STAB2: variants seen among roughly 807,000 people sequenced by gnomAD.
The protein encoded by STAB2 is stabilin 2.
Under a neutral mutation model 338.1 loss-of-function variants are expected in STAB2, and 288 were observed. The ratio of observed to expected loss-of-function variants is 0.85; its 90% CI spans 0.77 to 0.94. The LOEUF (loss-of-function observed/expected upper bound fraction) is 0.94, where lower values mean the gene tolerates loss of function less well. STAB2 is among the 40% of genes least tolerant of loss of function. The pLI, the probability that STAB2 is intolerant of heterozygous loss-of-function variation, is 0.00. For synonymous variants in STAB2, 1,202 were observed against 1,193.3 expected (o/e 1.01, Z -0.15); for missense variants, 3,141 against 3,210.1 (o/e 0.98, Z 0.52).
At chr12:103,673,736 G>A (rs1261921209) in intron 22 of STAB2, among the ~76,000 whole-genome samples, 171 bp from the exon 23 acceptor site, 1 of 152,160 alleles carries the variant, frequency 6.6e-6, no homozygotes, top group Admixed American at 6.5e-5. Context: ...GAGAACACTT[G>A]AGACTCCAAG....
At position 103,655,578 on chromosome 12, in the gene STAB2, A is replaced by G; in HGVS notation, c.1731A>G (p.Pro577=). The G allele has an allele frequency of 6.2e-7, 1 of 1,613,840 alleles. No homozygotes were observed. The highest frequency in any genetic ancestry group is 1.7e-5 in the Admixed American group (1 of 59,978). Reference sequence around the variant, plus strand: ...GCACTCTCGATTACCTCCTTTCTCCAGAGGTACCGTATTCTGCTTGCTCTG... The same window carrying G: ...GCACTCTCGATTACCTCCTTTCTCCGGAGGTACCGTATTCTGCTTGCTCTG... ...KDGTLDYLLS[P]EGSRKLLELV... is the part of the protein sequence containing the mutation. Residue 577 remains proline, a synonymous_variant, in exon 15 of 69, where the codon CCA becomes CCG. Transcript: ENST00000388887.
At chr12:103,654,902 T>C (rs987934793) in intron 13 of STAB2, 14 of 633,330 alleles carry the variant, frequency 2.2e-5, no homozygotes, top group Non-Finnish European at 3.5e-5. Context: ...CAGTAACATA[T>C]GTGGGAAAGA....
At chr12:103,665,335 T>A (rs1284026751) in intron 18 of STAB2, among the ~76,000 whole-genome samples, 1 of 152,186 alleles carries the variant, frequency 6.6e-6, no homozygotes, top group African/African-American at 2.4e-5. Context: ...ATAACAACAC[T>A]GTACTAGTTA....
chr12:103,699,030 A>T (rs947973593), intron 33 of STAB2, 66 bp from the exon 34 acceptor site: 2 of 1,549,204 alleles, frequency 1.3e-6, no homozygotes, highest in Non-Finnish European at 1.8e-6. Flanking sequence ...GTGACAGCAC[A>T]TGGGAGAAGC....
chr12:103,717,910 G>T, intron 44 of STAB2, 69 bp downstream of exon 44: 1 of 1,503,854 alleles, frequency 6.6e-7, no homozygotes, highest in Non-Finnish European at 9.2e-7. Flanking sequence ...CCCACTTCTC[G>T]GGGATGCAGA....
intron 3 of STAB2, among the ~76,000 whole-genome samples, chr12:103,600,783 T>C (rs1346176152): frequency 6.6e-6 from 1 of 152,232 alleles, no homozygotes; most frequent in African/African-American, 2.4e-5. Flanking sequence ...CCCCAGGAGA[T>C]AGCATATCCA....
chr12:103,729,394 G>C (rs1391461196), intron 48 of STAB2, among the ~76,000 whole-genome samples: 1 of 151,916 alleles, frequency 6.6e-6, no homozygotes, highest in African/African-American at 2.4e-5. Flanking sequence ...CTTATCCTTA[G>C]GTCCTCTTTC....
At chr12:103,733,229 G>C in intron 51 of STAB2, 47 bp downstream of exon 51, 1 of 1,593,014 alleles carries the variant, frequency 6.3e-7, no homozygotes, top group Non-Finnish European at 8.6e-7. Context: ...TCCCAGGGTG[G>C]TGATAAAATT....
intron 68 of STAB2, among the ~76,000 whole-genome samples, chr12:103,764,919 G>A (rs1593363765): frequency 1.4e-5 from 2 of 145,686 alleles, no homozygotes; most frequent in African/African-American, 2.5e-5. Context: ...CCAACATGGT[G>A]AAATCCCATG....
intron 34 of STAB2, among the ~76,000 whole-genome samples, chr12:103,701,100 G>A (rs1344626446): frequency 2.0e-5 from 3 of 150,564 alleles, no homozygotes; most frequent in African/African-American, 4.9e-5. Context: ...GAAAATATGC[G>A]GTGTTTGGTT....
chr12:103,666,146 TGGGG>T, intron 18 of STAB2, 141 bp from the exon 19 acceptor site: 1 of 703,988 alleles, frequency 1.4e-6, no homozygotes, highest in South Asian at 1.8e-5. Flanking sequence ...GGAGTCGGTG[TGGGG>T]AGGGGGTGGG....
intron 43 of STAB2, 80 bp from the exon 44 acceptor site, chr12:103,717,690 T>C: frequency 8.5e-7 from 1 of 1,175,912 alleles, no homozygotes; most frequent in Non-Finnish European, 1.3e-6. Context: ...CATGATGGAG[T>C]TCAGGTCTGA....
Position 103,727,388 on chromosome 12 carries a change from G to A in STAB2, c.4935+38G>A, listed in dbSNP as rs368376338. On this transcript the variant is annotated intron_variant, in intron 47 of 68. Coordinates refer to ENST00000388887, the MANE Select transcript of STAB2 (RefSeq NM_017564.10). ...CTGTGGGCAGAAGGGGGAGGTCTGC[G>A]GCTGGAACATAGTCCTTGGGCCTCG... is the stretch of plus-strand genomic sequence containing the variant. The A allele has an allele frequency of 7.9e-5, 126 of 1,604,624 alleles. No individual in the cohort carries two copies. In the East Asian group the frequency reaches 1.0e-3, roughly 13 times the overall value.
rs770468000 is a variant in STAB2 at position 103,660,728 on chromosome 12, G to C, written c.1834G>C (p.Ala612Pro). 7 of 1,613,958 alleles carry C rather than the reference G, an allele frequency of 4.3e-6. No homozygotes were observed. The South Asian group carries it at 7.7e-5, about 18-fold the overall frequency. ...LISTPHIRSM[A>P]NQLIQFNTTD... ...CTCCACCCCTCACATCAGGAGCATG[G>C]CCAACCAGCTCATACAGTTCAACAC... The change falls in exon 17 of 69, where the codon GCC (alanine) becomes CCC (proline). Residue 612 changes from alanine to proline, a missense_variant. By Grantham distance (27) the Ala-to-Pro change is conservative. Transcript: ENST00000388887.
Position 103,749,101 on chromosome 12 carries a change from C to T in STAB2, c.6383C>T (p.Ala2128Val), listed in dbSNP as rs756420717. The change falls in exon 59 of 69, where the codon GCA becomes GTA. Residue 2128 changes from alanine to valine, a missense_variant. Ala to Val is a moderately conservative substitution (Grantham distance 64, BLOSUM62 0). Transcript: ENST00000388887. ...GHSCTEIDPC[A>V]DGLNGGCHEH... ...AGCTGCACAGAGATAGACCCCTGTG[C>T]AGACGGCCTTAACGGAGGGTGTCAC... 4.3e-6 allele frequency: 7 copies of T among 1,613,734 alleles called. No individual in the cohort carries two copies. Among genetic ancestry groups the T allele is most frequent in the Non-Finnish European group, 2.5e-6 (3 of 1,179,880 alleles).
Position 103,708,399 on chromosome 12 carries a change from T to C in STAB2, c.4193-42T>C, listed in dbSNP as rs964952686. The C allele has an allele frequency of 6.9e-6, 11 of 1,587,388 alleles. No individual in the cohort carries two copies. The African/African-American group carries it at 1.2e-4, about 17-fold the overall frequency. On this transcript the variant is annotated intron_variant, in intron 38 of 68. Coordinates refer to ENST00000388887, the MANE Select transcript of STAB2 (RefSeq NM_017564.10). Reference sequence around the variant, plus strand: ...TAAATGACAAATGAGTTATTGAACATGGGTTAGAATCTGACGATTTGCAGG... The same window carrying C: ...TAAATGACAAATGAGTTATTGAACACGGGTTAGAATCTGACGATTTGCAGG...
rs189824534 is a variant in STAB2 at position 103,647,184 on chromosome 12, G to C, written c.1041-1506G>C. On this transcript the variant is annotated intron_variant, in intron 9 of 68. Transcript: ENST00000388887. The stretch of plus-strand genomic sequence containing the variant: ...TGCATGAAAAACAGATTTCAGGGTA[G>C]AACATATGGGCAAAAAGACCAGGTT... Among the ~76,000 whole-genome samples, 124 of 152,308 alleles carry C rather than the reference G, an allele frequency of 8.1e-4. 1 individual carries two copies. Among genetic ancestry groups the C allele is most frequent in the African/African-American group, 2.9e-3 (120 of 41,566 alleles).
intron 22 of STAB2, among the ~76,000 whole-genome samples, chr12:103,671,985 G>C (rs1301786049): frequency 6.6e-6 from 1 of 152,156 alleles, no homozygotes; most frequent in Non-Finnish European, 1.5e-5. Context: ...TCAGAAAACG[G>C]CTATTTCTTC....
At position 103,694,613 on chromosome 12, in the gene STAB2, A is replaced by T. The variant is rs77901580; in HGVS notation, c.3376-937A>T. On this transcript the variant is annotated intron_variant, in intron 31 of 68. Coordinates refer to ENST00000388887, the MANE Select transcript of STAB2 (RefSeq NM_017564.10). ...TTTTTAAGTACAAGCAGCAGACTGGATTGGGCTTTCTACTGTAGTATGCTG... is the reference window on the plus strand; with the variant it reads ...TTTTTAAGTACAAGCAGCAGACTGGTTTGGGCTTTCTACTGTAGTATGCTG... 1.7e-3 allele frequency among the ~76,000 whole-genome samples: 255 copies of T among 152,232 alleles called. 1 individual carries two copies. Among genetic ancestry groups the T allele is most frequent in the African/African-American group, 5.7e-3 (238 of 41,526 alleles).
Sources: allele counts gnomAD v4.1 joint callset (sites outside exome capture counted in the v4.1 genomes callset), GRCh38; gene constraint gnomAD v4.1.1; transcripts MANE v1.5; gene names NCBI Gene and HGNC (gene_info 2026-07-23, HGNC 2026-07-21).